The following CHD1L variants were observed in gnomAD, a reference collection of about 807,000 sequenced individuals.
The protein encoded by CHD1L is chromodomain helicase DNA binding protein 1 like, also known as ATP-dependent chromatin remodeler CHD1L.
Under a neutral mutation model 115.9 loss-of-function variants are expected in CHD1L, and 118 were observed. That is an observed-to-expected ratio of 1.02 (90% CI 0.88 to 1.19). CHD1L has a LOEUF of 1.19. CHD1L is among the 50% of genes most tolerant of loss of function. CHD1L has a pLI of 0.00. For synonymous variants in CHD1L, 411 were observed against 387.1 expected (o/e 1.06, Z -0.72); for missense variants, 1,179 against 1,065.3 (o/e 1.11, Z -1.49).
chr1:147,283,938 T>A (rs1219296266), intron 15 of CHD1L, among the ~76,000 whole-genome samples: 2 of 152,356 alleles, frequency 1.3e-5, no homozygotes, highest in South Asian at 2.1e-4. Flanking sequence ...TTGTGATTCT[T>A]CATTTTCTCA....
chr1:147,287,086 A>G (rs1683460099), intron 18 of CHD1L, among the ~76,000 whole-genome samples: 1 of 152,200 alleles, frequency 6.6e-6, no homozygotes, highest in African/African-American at 2.4e-5. Context: ...ATTAAAAAAT[A>G]CACTTATGGC....
chr1:147,230,723 C>A, the CHD1L span, among the ~76,000 whole-genome samples: 1 of 148,448 alleles, frequency 6.7e-6, no homozygotes, highest in East Asian at 2.1e-4. Context: ...CAACTTCTTC[C>A]CGGTTTAGTC....
Position 147,283,059 on chromosome 1 carries a change from TAAAA to T in CHD1L, c.1706-1289_1706-1286del, listed in dbSNP as rs782149910. On this transcript the variant is annotated intron_variant, in intron 15 of 22. Transcript: ENST00000369258. ...TAACGTGGCCCCAATCAGAATTAAATAAAAAACAGGGTTGCTTTATCTTAAATGC... is the reference window on the plus strand; with the variant it reads ...TAACGTGGCCCCAATCAGAATTAAATAACAGGGTTGCTTTATCTTAAATGC... Among the ~76,000 whole-genome samples the T allele has an allele frequency of 2.8e-3, 424 of 152,280 alleles. 4 individuals carry two copies. Among genetic ancestry groups the T allele is most frequent in the Admixed American group, 8.0e-3 (123 of 15,300 alleles).
the CHD1L span, among the ~76,000 whole-genome samples, chr1:147,227,859 C>T: frequency 3.9e-5 from 6 of 152,254 alleles, no homozygotes; most frequent in South Asian, 1.2e-3. Flanking sequence ...TTTTCTAATT[C>T]TTTCTATTAC....
intron 2 of CHD1L, among the ~76,000 whole-genome samples, chr1:147,253,661 T>C (rs1217564242): frequency 6.6e-6 from 1 of 152,198 alleles, no homozygotes; most frequent in Non-Finnish European, 1.5e-5. Context: ...CATGCACAGC[T>C]TATTTTTAAA....
At chr1:147,280,995 G>A (rs139707312) in intron 15 of CHD1L, among the ~76,000 whole-genome samples, 485 of 152,146 alleles carry the variant, frequency 3.2e-3, no homozygotes, top group Admixed American at 7.7e-3. Flanking sequence ...TTTATTTTGG[G>A]TAGTGGTAGT....
chr1:147,261,975 C>G (rs4274116), intron 6 of CHD1L, among the ~76,000 whole-genome samples: 53,726 of 151,638 alleles, frequency 0.35, 9,719 homozygotes, highest in African/African-American at 0.42. Flanking sequence ...ATGGGTGGAT[C>G]ACGAGGTCAG....
chr1:147,242,073 G>C (rs1014608261), upstream of CHD1L, among the ~76,000 whole-genome samples: 5 of 152,120 alleles, frequency 3.3e-5, no homozygotes, highest in African/African-American at 1.2e-4. Flanking sequence ...AGCTGATGCT[G>C]AGTCACGGTG....
intron 18 of CHD1L, among the ~76,000 whole-genome samples, chr1:147,287,410 A>G (rs587736183): frequency 3.3e-5 from 5 of 152,288 alleles, no homozygotes; most frequent in African/African-American, 9.6e-5. Flanking sequence ...TGAGAACCCT[A>G]ATTTTTGAGA....
the CHD1L span, chr1:147,208,974 G>C: frequency 6.2e-7 from 1 of 1,614,022 alleles, no homozygotes; most frequent in Non-Finnish European, 8.5e-7. Context: ...GTCGAGAAGA[G>C]AACAACACAT....
the CHD1L span, chr1:147,178,716 T>C: frequency 7.6e-6 from 12 of 1,569,980 alleles, no homozygotes; most frequent in Non-Finnish European, 1.1e-5. Context: ...ATAACGGAGA[T>C]GGTATCATCT....
chr1:147,201,426 A>G, the CHD1L span: 5 of 1,614,176 alleles, frequency 3.1e-6, no homozygotes, highest in Admixed American at 1.7e-5. Context: ...ATTCCTTCAC[A>G]TTTCCTTTCA....
the CHD1L span, among the ~76,000 whole-genome samples, chr1:147,235,512 T>C: frequency 2.6e-5 from 4 of 152,164 alleles, no homozygotes; most frequent in South Asian, 8.3e-4. Context: ...TAATTAGACA[T>C]GCCATTTTTG....
chr1:147,194,200 G>T, the CHD1L span, among the ~76,000 whole-genome samples: 22 of 152,138 alleles, frequency 1.4e-4, 1 homozygote, highest in Non-Finnish European at 2.5e-4. Flanking sequence ...CCTGCATTGG[G>T]TGCATATATA....
In CHD1L at chr1:147,252,750, G is replaced by A. The variant is rs899858454; in HGVS notation, c.240+15G>A. Reference sequence around the variant, plus strand: ...AGACCTGCCAGGTGTGTTACTATGCGACGAGTACTGCTCACCGCCACTGCG... The same window carrying A: ...AGACCTGCCAGGTGTGTTACTATGCAACGAGTACTGCTCACCGCCACTGCG... On this transcript the variant is annotated intron_variant, in intron 2 of 22. Transcript: ENST00000369258. 2.5e-6 allele frequency: 4 copies of A among 1,571,330 alleles called. No homozygotes were observed. The highest frequency in any genetic ancestry group is 1.1e-5 in the South Asian group (1 of 89,990).
chr1:147,190,914 A>G, the CHD1L span, among the ~76,000 whole-genome samples: 177 of 151,872 alleles, frequency 1.2e-3, 1 homozygote, highest in Non-Finnish European at 1.4e-3. Flanking sequence ...ATTCCCACCT[A>G]TGAGTGAGAA....
chr1:147,201,249 T>C, the CHD1L span: 1 of 1,614,194 alleles, frequency 6.2e-7, no homozygotes, highest in Non-Finnish European at 8.5e-7. Flanking sequence ...GAGTTGGCCT[T>C]TCCAGGTTAG....
the CHD1L span, chr1:147,203,925 T>TCC: frequency 6.7e-7 from 1 of 1,488,644 alleles, no homozygotes; most frequent in South Asian, 1.1e-5. Flanking sequence ...ACAGGAGGTG[T>TCC]CAATCTAGGA....
At chr1:147,261,574 T>C (rs1671961503) in intron 6 of CHD1L, among the ~76,000 whole-genome samples, 1 of 152,142 alleles carries the variant, frequency 6.6e-6, no homozygotes, top group Non-Finnish European at 1.5e-5. Flanking sequence ...TCTAACCTTA[T>C]GAAAGATGGC....
Sources: gnomAD v4.1 joint callset for allele counts (sites outside exome capture counted in the v4.1 genomes callset) on GRCh38, gnomAD v4.1.1 for gene constraint, MANE v1.5 for transcripts, NCBI Gene and HGNC (gene_info 2026-07-23, HGNC 2026-07-21) for gene names.